The following ATP8B1 variants were observed in gnomAD, a reference collection of about 807,000 sequenced individuals.
The protein encoded by ATP8B1 is phospholipid-transporting ATPase IC.
A neutral mutation model predicts 149.9 loss-of-function variants in ATP8B1; 80 were observed. The ratio of observed to expected loss-of-function variants is 0.53; its 90% CI spans 0.45 to 0.64. ATP8B1 has a LOEUF of 0.64. Ranked by LOEUF, ATP8B1 falls within the 30% of genes least tolerant of loss-of-function variation. ATP8B1 has a pLI of 0.00. For synonymous variants in ATP8B1, 536 were observed against 562.8 expected, an observed-to-expected ratio of 0.95 and a Z score of 0.67; for missense variants, 1,247 against 1,552.6, an observed-to-expected ratio of 0.80 and a Z score of 3.31.
intron 1 of ATP8B1, among the ~76,000 whole-genome samples, chr18:57,768,956 C>T (rs1361891984): frequency 6.6e-6 from 1 of 152,174 alleles, no homozygotes; most frequent in Non-Finnish European, 1.5e-5. Flanking sequence ...AAGGACTTTA[C>T]CAGCCTAGAT....
intron 23 of ATP8B1, among the ~76,000 whole-genome samples, chr18:57,654,764 A>C: frequency 7.3e-6 from 1 of 137,800 alleles, no homozygotes; most frequent in East Asian, 2.2e-4. Flanking sequence ...TCGGCTCACC[A>C]CAACCTCTGC....
At chr18:57,732,197 G>GTATATATA (rs1568044101) in intron 1 of ATP8B1, among the ~76,000 whole-genome samples, 2 of 37,422 alleles carry the variant, frequency 5.3e-5, no homozygotes, top group Non-Finnish European at 1.1e-4. Context: ...ATGTATATAT[G>GTATATATA]TGTATATATG....
intron 2 of ATP8B1, among the ~76,000 whole-genome samples, chr18:57,711,644 G>A (rs1344716776): frequency 3.9e-5 from 6 of 152,160 alleles, no homozygotes; most frequent in Non-Finnish European, 5.9e-5. Flanking sequence ...CTGGGCTGGA[G>A]TGCAGTGGCA....
Position 57,648,695 on chromosome 18 carries a change from C to G in ATP8B1, c.3549G>C (p.Lys1183Asn). Residue 1183 changes from lysine to asparagine, a missense_variant, in exon 28 of 28, where the codon AAG becomes AAC. Lys to Asn is a moderately conservative substitution (Grantham distance 94). Around this residue, in one of 3 missense-constraint regions of ATP8B1, gnomAD observed 164 missense variants for 160.3 expected, o/e 1.02. Transcript: ENST00000648908. ...SESDKIQKHRKRLKAEEQWQR... is the reference protein window; with the variant it reads ...SESDKIQKHRNRLKAEEQWQR... ...GCCACTGCTCCTCCGCCTTCAACCG[C>G]TTGCGATGCTTCTGGATCTGCAAGG... The G allele has an allele frequency of 1.3e-6, 2 of 1,556,260 alleles. No homozygotes were observed. Among genetic ancestry groups the G allele is most frequent in the Non-Finnish European group, 1.7e-6 (2 of 1,150,520 alleles).
intron 2 of ATP8B1, among the ~76,000 whole-genome samples, chr18:57,715,595 A>C (rs1420756586): frequency 6.6e-6 from 1 of 152,226 alleles, no homozygotes; most frequent in African/African-American, 2.4e-5. Flanking sequence ...AAAGTCAAGG[A>C]TAAAAGGAAG....
intron 1 of ATP8B1, among the ~76,000 whole-genome samples, chr18:57,779,259 G>C (rs1012437654): frequency 6.6e-6 from 1 of 151,918 alleles, no homozygotes; most frequent in Non-Finnish European, 1.5e-5. Context: ...AGGCTACAGT[G>C]AGCTGTTACT....
At position 57,688,428 on chromosome 18, in the gene ATP8B1, C is replaced by A. The variant is rs758746529; in HGVS notation, c.1300G>T (p.Ala434Ser). ...QMYYAEKDTP[A>S]KARTTTLNEQ... ...TTGAGTGTGGTGGTTCTAGCTTTTGCGGGTGTGTCCTTCTCAGCATAGTAC... is the reference window on the plus strand; with the variant it reads ...TTGAGTGTGGTGGTTCTAGCTTTTGAGGGTGTGTCCTTCTCAGCATAGTAC... Residue 434 changes from alanine (A) to serine (S), a missense_variant, in exon 13 of 28, where the codon GCA (alanine) becomes TCA (serine). Ala to Ser is a moderately conservative substitution (Grantham distance 99). Transcript: ENST00000648908. The A allele has an allele frequency of 6.2e-7, 1 of 1,614,112 alleles. No homozygotes were observed. The highest frequency in any genetic ancestry group is 8.5e-7 in the Non-Finnish European group (1 of 1,180,028).
chr18:57,707,878 C>T (rs534738755), intron 2 of ATP8B1, among the ~76,000 whole-genome samples: 17 of 151,558 alleles, frequency 1.1e-4, no homozygotes, highest in East Asian at 3.9e-4. Flanking sequence ...AAGTGTAGGC[C>T]GAGCATGGTG....
chr18:57,673,598 G>A (rs1161209407), intron 16 of ATP8B1, among the ~76,000 whole-genome samples: 1 of 151,454 alleles, frequency 6.6e-6, no homozygotes, highest in Non-Finnish European at 1.5e-5. Context: ...ACAATAACCT[G>A]TATGTATGTG....
chr18:57,681,155 AG>A (rs1911948457), intron 15 of ATP8B1, among the ~76,000 whole-genome samples: 1 of 152,178 alleles, frequency 6.6e-6, no homozygotes, highest in African/African-American at 2.4e-5. Flanking sequence ...AGCATGAAAA[AG>A]GTTCAATTTA....
intron 1 of ATP8B1, among the ~76,000 whole-genome samples, chr18:57,760,240 C>G (rs1026015196): frequency 6.6e-6 from 1 of 152,152 alleles, no homozygotes; most frequent in Non-Finnish European, 1.5e-5. Context: ...GAATTCAGTA[C>G]AATAATATCA....
intron 1 of ATP8B1, among the ~76,000 whole-genome samples, chr18:57,762,916 C>G (rs562818966): frequency 2.0e-4 from 31 of 152,082 alleles, no homozygotes; most frequent in Non-Finnish European, 3.8e-4. Context: ...ACATAGCAAC[C>G]AGATGTTGAT....
At chr18:57,742,763 G>A (rs319390) in intron 1 of ATP8B1, among the ~76,000 whole-genome samples, 44 of 151,972 alleles carry the variant, frequency 2.9e-4, no homozygotes, top group Non-Finnish European at 5.3e-4. Flanking sequence ...GCTCAAGGCT[G>A]CAGTGAGTTA....
rs1168582796 is a variant in ATP8B1 at position 57,662,578 on chromosome 18, T to A, written c.2323A>T (p.Arg775Ter). 6.2e-7 allele frequency: 1 copy of A among 1,614,060 alleles called. No homozygotes were observed. Among genetic ancestry groups the A allele is most frequent in the African/African-American group, 1.3e-5 (1 of 74,926 alleles). The change falls in exon 21 of 28, where the codon AGA (arginine) becomes TGA (stop). Residue 775 changes from arginine (R) to a stop codon, truncating the protein, a stop_gained. Transcript: ENST00000648908. LOFTEE classifies it high-confidence loss of function. ...LHARMENQRN[R>*]GGVYAKFAPP... ...GCAAACTTTGCGTAGACGCCACCTCTATTCCTCTGGTTTTCCATCCTTGCA... is the reference window on the plus strand; with the variant it reads ...GCAAACTTTGCGTAGACGCCACCTCAATTCCTCTGGTTTTCCATCCTTGCA...
chr18:57,725,904 T>TA (rs2123101447), intron 2 of ATP8B1, among the ~76,000 whole-genome samples: 1 of 152,318 alleles, frequency 6.6e-6, no homozygotes, highest in South Asian at 2.1e-4. Flanking sequence ...GACTTAAATC[T>TA]AAGACCTCAA....
intron 1 of ATP8B1, among the ~76,000 whole-genome samples, chr18:57,753,941 AAAAAAAAG>A (rs2080049716): frequency 2.1e-5 from 1 of 48,284 alleles, no homozygotes; most frequent in Admixed American, 1.6e-4. Context: ...CAAAAAAAAA[AAAAAAAAG>A]AAAGAAAGAA....
Position 57,648,688 on chromosome 18 carries a change from TCAAC to T in ATP8B1, c.3552_3555del (p.Leu1185ArgfsTer103). 1 of 1,560,850 alleles carries T rather than the reference TCAAC, an allele frequency of 6.4e-7. No individual in the cohort carries two copies. Among genetic ancestry groups the T allele is most frequent in the Non-Finnish European group, 8.7e-7 (1 of 1,153,260 alleles). ...CGTCGCTGCCACTGCTCCTCCGCCT[TCAAC>T]CGCTTGCGATGCTTCTGGATCTGCA... On this transcript the variant is annotated frameshift_variant, in exon 28 of 28. Transcript: ENST00000648908. LOFTEE classifies it high-confidence loss of function.
chr18:57,688,615 A>G lies in ATP8B1; in HGVS notation c.1221-108T>C. ...GAGAGCAAGCTGCTTATTTACTGCT[A>G]TGGTCTGAATGTTAGAATCCCCCTC... On this transcript the variant is annotated intron_variant, in intron 12 of 27. Coordinates refer to ENST00000648908, the MANE Select transcript of ATP8B1 (RefSeq NM_001374385.1). 3.6e-6 allele frequency: 4 copies of G among 1,102,700 alleles called. No homozygotes were observed. In the South Asian group the frequency reaches 3.9e-5, roughly 11 times the overall value. 68.3% of individuals were successfully genotyped at this position (1,102,700 alleles called of 1,614,324 possible). A position where few individuals can be genotyped will look rare whatever the true frequency, so the allele number is the denominator to read the frequency against.
chr18:57,800,538 T>C (rs572898525), intron 1 of ATP8B1, among the ~76,000 whole-genome samples: 1 of 152,312 alleles, frequency 6.6e-6, no homozygotes, highest in Admixed American at 6.5e-5. Context: ...TTTTAATTCA[T>C]AAGGCAATAA....
Sources: gnomAD v4.1 joint callset for allele counts (sites outside exome capture counted in the v4.1 genomes callset) on GRCh38, gnomAD v4.1.1 for gene constraint, gnomAD v4.1.1 regional missense constraint, MANE v1.5 for transcripts, NCBI Gene and HGNC (gene_info 2026-07-23, HGNC 2026-07-21) for gene names.